The following DYNC2H1 variants were observed in gnomAD, a reference collection of about 807,000 sequenced individuals.
DYNC2H1 encodes cytoplasmic dynein 2 heavy chain 1.
DYNC2H1 carries 410 observed loss-of-function variants against 570.0 expected under a neutral mutation model. The ratio of observed to expected loss-of-function variants is 0.72; its 90% CI spans 0.66 to 0.78. DYNC2H1 has a LOEUF of 0.78. Ranked by LOEUF, DYNC2H1 falls within the 30% of genes least tolerant of loss-of-function variation. The pLI is 0.00. For synonymous variants in DYNC2H1, 1,688 were observed against 1,677.6 expected, an observed-to-expected ratio of 1.01 and a Z score of -0.15; for missense variants, 4,865 against 5,046.4, an observed-to-expected ratio of 0.96 and a Z score of 1.09.
intron 10 of DYNC2H1, among the ~76,000 whole-genome samples, chr11:103,122,060 A>C (rs1485208908): frequency 6.6e-6 from 1 of 152,220 alleles, no homozygotes; most frequent in Non-Finnish European, 1.5e-5. Flanking sequence ...GGTAAAAGGT[A>C]ATTATGGCAT....
At chr11:103,288,600 A>G (rs974861332) in intron 75 of DYNC2H1, among the ~76,000 whole-genome samples, 2 of 142,162 alleles carry the variant, frequency 1.4e-5, no homozygotes, top group Non-Finnish European at 3.0e-5. Flanking sequence ...TAATCCCAGC[A>G]CTTTGGGAGG....
At chr11:103,393,785 CT>C (rs1942274267) in intron 83 of DYNC2H1, among the ~76,000 whole-genome samples, 1 of 152,136 alleles carries the variant, frequency 6.6e-6, no homozygotes. Context: ...TTCCATATGG[CT>C]GGGGAGGCCT....
chr11:103,302,282 C>T (rs1250069783), intron 75 of DYNC2H1, among the ~76,000 whole-genome samples: 1 of 152,020 alleles, frequency 6.6e-6, no homozygotes, highest in African/African-American at 2.4e-5. Context: ...ATTTGTTTCT[C>T]AGGAGCATTG....
intron 87 of DYNC2H1, among the ~76,000 whole-genome samples, chr11:103,460,718 ATATT>A (rs945627729): frequency 1.4e-4 from 21 of 151,082 alleles, no homozygotes; most frequent in African/African-American, 5.1e-4. Context: ...CAATGAATAT[ATATT>A]TTCATATATA....
intron 87 of DYNC2H1, among the ~76,000 whole-genome samples, chr11:103,467,731 G>T: frequency 6.6e-6 from 1 of 152,000 alleles, no homozygotes; most frequent in Non-Finnish European, 1.5e-5. Flanking sequence ...TACAGATGGG[G>T]TTTCACCATG....
At chr11:103,358,743 T>C (rs2408650) in intron 83 of DYNC2H1, among the ~76,000 whole-genome samples, 22,620 of 152,114 alleles carry the variant, frequency 0.15, 1,834 homozygotes, top group Admixed American at 0.24. Flanking sequence ...TTCTAATGAT[T>C]TTCCCAATTC....
chr11:103,110,138 C>T (rs541402619), intron 1 of DYNC2H1, among the ~76,000 whole-genome samples: 5 of 152,214 alleles, frequency 3.3e-5, no homozygotes, highest in African/African-American at 9.6e-5. Context: ...AAGCGATTCT[C>T]GTGCCTCAGC....
At chr11:103,309,577 T>C (rs936458607) in intron 78 of DYNC2H1, among the ~76,000 whole-genome samples, 5 of 151,792 alleles carry the variant, frequency 3.3e-5, no homozygotes. Context: ...AGGGTAAGCA[T>C]TAATCCAGAA....
intron 17 of DYNC2H1, among the ~76,000 whole-genome samples, chr11:103,137,401 G>C (rs945193446): frequency 6.6e-6 from 1 of 151,780 alleles, no homozygotes; most frequent in Non-Finnish European, 1.5e-5. Flanking sequence ...ATTAATTTTT[G>C]TATAAGGTGT....
Position 103,115,763 on chromosome 11 carries a change from G to T in DYNC2H1, c.621+468G>T, listed in dbSNP as rs187122343. Reference sequence around the variant, plus strand: ...ATCGTGCCATTGCACTCCAGCCTGGGCAAGAGTGCGAGACTCCATCTCTAG... The same window carrying T: ...ATCGTGCCATTGCACTCCAGCCTGGTCAAGAGTGCGAGACTCCATCTCTAG... On this transcript the variant is annotated intron_variant, in intron 4 of 88. Transcript: ENST00000375735. Among the ~76,000 whole-genome samples, 595 of 152,102 alleles carry T rather than the reference G, an allele frequency of 3.9e-3. 4 individuals are homozygous for T. Among genetic ancestry groups the T allele is most frequent in the African/African-American group, 0.013 (537 of 41,474 alleles).
At position 103,264,308 on chromosome 11, in the gene DYNC2H1, C is replaced by A. The variant is rs1004049543; in HGVS notation, c.10695+4331C>A. The stretch of plus-strand genomic sequence containing the variant: ...GGAGTTGGTACCATTCCTTCTGAAA[C>A]TATTCCATGCAATAGAAAAAGAGGG... On this transcript the variant is annotated intron_variant, in intron 70 of 88. Coordinates refer to ENST00000375735, the MANE Select transcript of DYNC2H1 (RefSeq NM_001377.3). The surrounding 1 kb of genome is among the most constrained non-coding windows in gnomAD (Gnocchi z 4.8). 5.9e-5 allele frequency among the ~76,000 whole-genome samples: 9 copies of A among 152,150 alleles called. No homozygotes were observed. Among genetic ancestry groups the A allele is most frequent in the African/African-American group, 2.2e-4 (9 of 41,442 alleles).
In DYNC2H1 at chr11:103,134,343, A is replaced by C; in HGVS notation, c.2129A>C (p.Asp710Ala). The C allele has an allele frequency of 6.2e-7, 1 of 1,612,970 alleles. No homozygotes were observed. The highest frequency in any genetic ancestry group is 8.5e-7 in the Non-Finnish European group (1 of 1,179,204). Reference sequence around the variant, plus strand: ...TAGGTGGTTGTTCTTATGAATATTGATCTGCTTCGGCAGCAACAGCGCTGG... The same window carrying C: ...TAGGTGGTTGTTCTTATGAATATTGCTCTGCTTCGGCAGCAACAGCGCTGG... ...CEKVVVLMNI[D>A]LLRQQQRWKD... The change falls in exon 15 of 89, where the codon GAT becomes GCT. Residue 710 changes from aspartate (D) to alanine (A), a missense_variant. Asp to Ala is a moderately radical substitution (Grantham distance 126). Transcript: ENST00000375735.
In DYNC2H1 at chr11:103,399,327, T is replaced by TTTTG. The variant is rs55702463; in HGVS notation, c.12157-336_12157-335insTTTG. On this transcript the variant is annotated intron_variant, in intron 83 of 88. Coordinates refer to ENST00000375735, the MANE Select transcript of DYNC2H1 (RefSeq NM_001377.3). Reference sequence around the variant, plus strand: ...TCGGCTAATTTTTTTTTTTTTTTTTTGTATTTTTAGTAGAGGCGGGGTTTC... The same window carrying TTTTG: ...TCGGCTAATTTTTTTTTTTTTTTTTTTTTGGTATTTTTAGTAGAGGCGGGGTTTC... Among the ~76,000 whole-genome samples the TTTTG allele has an allele frequency of 3.4e-4, 46 of 136,378 alleles. 1 individual carries two copies. The highest frequency in any genetic ancestry group is 1.0e-3 in the African/African-American group (37 of 35,398). The allele number at this position is 136,378 out of a possible 152,430, so 89.5% of individuals were successfully genotyped here.
At chr11:103,356,188 GA>G (rs1940328001) in intron 82 of DYNC2H1, among the ~76,000 whole-genome samples, 1 of 152,020 alleles carries the variant, frequency 6.6e-6, no homozygotes, top group Non-Finnish European at 1.5e-5. Flanking sequence ...CTTAAAATAT[GA>G]AAAATAGATA....
chr11:103,467,400 C>A (rs1448748115), intron 87 of DYNC2H1, among the ~76,000 whole-genome samples: 2 of 152,172 alleles, frequency 1.3e-5, no homozygotes, highest in Admixed American at 1.3e-4. Flanking sequence ...GCACCTAAAC[C>A]ATTCCCTGAC....
chr11:103,275,608 A>T lies in DYNC2H1; in HGVS notation c.10696-4740A>T, dbSNP rs1565454640. The stretch of plus-strand genomic sequence containing the variant: ...TGTCATATAATTGGAATCATACAGT[A>T]TGTCAGTATGTAGCCTTTGTAGATT... On this transcript the variant is annotated intron_variant, in intron 70 of 88. Transcript: ENST00000375735. This position sits in a 1 kb window ranked among gnomAD's most constrained non-coding sequence, Gnocchi z 4.8. Among the ~76,000 whole-genome samples, 1 of 152,160 alleles carries T rather than the reference A, an allele frequency of 6.6e-6. No homozygotes were observed. The highest frequency in any genetic ancestry group is 2.4e-5 in the African/African-American group (1 of 41,422).
intron 83 of DYNC2H1, among the ~76,000 whole-genome samples, chr11:103,360,289 T>C (rs1940576505): frequency 6.6e-6 from 1 of 152,242 alleles, no homozygotes; most frequent in African/African-American, 2.4e-5. Flanking sequence ...ATAACAGAGA[T>C]AAAAATGGGA....
chr11:103,479,102 G>C lies in DYNC2H1; in HGVS notation c.12773G>C (p.Cys4258Ser). 2 of 1,613,796 alleles carry C rather than the reference G, an allele frequency of 1.2e-6. No individual in the cohort carries two copies. Among genetic ancestry groups the C allele is most frequent in the Non-Finnish European group, 1.7e-6 (2 of 1,179,788 alleles). Residue 4258 changes from cysteine to serine, a missense_variant, in exon 89 of 89, where the codon TGT (cysteine) becomes TCT (serine). By Grantham distance (112) the Cys-to-Ser change is moderately radical. This residue lies in a region of DYNC2H1 where 2,401 missense variants were observed against 2,454.6 expected (regional missense o/e 0.98). Transcript: ENST00000375735. ...CFMGWIPQDACGPYSPDECIS... is the reference protein window; with the variant it reads ...CFMGWIPQDASGPYSPDECIS... ...AAGTTATTTTTTAAACAGGATGCAT[G>C]TGGTCCATATTCTCCGGATGAGTGC...
At chr11:103,408,339 G>A (rs964874810) in intron 84 of DYNC2H1, 1 of 152,038 alleles carries the variant, frequency 6.6e-6, no homozygotes, top group African/African-American at 2.4e-5. Context: ...AGCAATTATA[G>A]TGGGAATAAT....
Sources: allele counts gnomAD v4.1 joint callset (sites outside exome capture counted in the v4.1 genomes callset), GRCh38; gene constraint gnomAD v4.1.1; regional missense constraint gnomAD v4.1.1; non-coding constraint Gnocchi (gnomAD v3.1); transcripts MANE v1.5; gene names NCBI Gene and HGNC (gene_info 2026-07-23, HGNC 2026-07-21).